Variants in CBLB observed in about 807,000 individuals in gnomAD.
CBLB encodes the protein Cbl proto-oncogene B.
Under a neutral mutation model 104.9 loss-of-function variants are expected in CBLB, and 31 were observed. The ratio of observed to expected loss-of-function variants is 0.30; its 90% CI spans 0.22 to 0.40. CBLB has a LOEUF of 0.40. CBLB is among the 10% of genes least tolerant of loss of function. The pLI is 1.00. For synonymous variants in CBLB, 440 were observed against 422.6 expected, an observed-to-expected ratio of 1.04 and a Z score of -0.51; for missense variants, 1,062 against 1,214.6, an observed-to-expected ratio of 0.87 and a Z score of 1.87.
chr3:105,837,241 C>A (rs2088680115), intron 3 of CBLB, among the ~76,000 whole-genome samples: 1 of 152,166 alleles, frequency 6.6e-6, no homozygotes, highest in Admixed American at 6.5e-5. Context: ...AATATAACAA[C>A]CATCTGCTGC....
intron 3 of CBLB, among the ~76,000 whole-genome samples, chr3:105,784,321 G>T (rs1385238139): frequency 2.0e-5 from 3 of 152,114 alleles, no homozygotes; most frequent in African/African-American, 7.2e-5. Context: ...GGAAAATCAT[G>T]ATTGCTATGA....
intron 10 of CBLB, among the ~76,000 whole-genome samples, chr3:105,708,350 T>C (rs2152801086): frequency 6.6e-6 from 1 of 152,224 alleles, no homozygotes; most frequent in African/African-American, 2.4e-5. Context: ...TAATCACTAC[T>C]ACTTCCATTG....
chr3:105,784,640 T>C (rs1185986252), intron 3 of CBLB, among the ~76,000 whole-genome samples: 1 of 152,198 alleles, frequency 6.6e-6, no homozygotes, highest in Non-Finnish European at 1.5e-5. Context: ...ATCCTCCACC[T>C]TAATTTTAAA....
At chr3:105,718,086 T>C (rs941397695) in intron 10 of CBLB, among the ~76,000 whole-genome samples, 2 of 152,166 alleles carry the variant, frequency 1.3e-5, no homozygotes, top group Non-Finnish European at 2.9e-5. Flanking sequence ...GTTAACTTTG[T>C]TTTGAGACTC....
At chr3:105,776,346 A>G (rs751990977) in intron 4 of CBLB, 50 bp downstream of exon 4, 1 of 1,526,612 alleles carries the variant, frequency 6.6e-7, no homozygotes, top group Non-Finnish European at 9.1e-7. Flanking sequence ...GGGAGGATAC[A>G]GTAACCCTTG....
chr3:105,666,635 G>A (rs1448881819), intron 18 of CBLB, among the ~76,000 whole-genome samples: 1 of 151,882 alleles, frequency 6.6e-6, no homozygotes, highest in Non-Finnish European at 1.5e-5. Flanking sequence ...GCTGGGAGCT[G>A]AGATCACGCC....
chr3:105,697,989 G>A (rs2068599596), intron 12 of CBLB, among the ~76,000 whole-genome samples: 1 of 152,002 alleles, frequency 6.6e-6, no homozygotes, highest in South Asian at 2.1e-4. Context: ...CCAACAAGAT[G>A]TTTATTAAGG....
At chr3:105,743,459 CAA>C (rs11373751) in intron 6 of CBLB, among the ~76,000 whole-genome samples, 1 of 131,284 alleles carries the variant, frequency 7.6e-6, no homozygotes, top group African/African-American at 2.9e-5. Context: ...GACTCTGTCT[CAA>C]AAAAAAAAAA....
intron 9 of CBLB, among the ~76,000 whole-genome samples, chr3:105,723,686 G>A (rs2073200551): frequency 6.6e-6 from 1 of 151,986 alleles, no homozygotes; most frequent in Non-Finnish European, 1.5e-5. Context: ...AATATTGTTA[G>A]TACCATCTCA....
intron 6 of CBLB, among the ~76,000 whole-genome samples, 178 bp downstream of exon 6, chr3:105,745,739 T>C (rs552805921): frequency 9.9e-5 from 15 of 152,268 alleles, no homozygotes; most frequent in African/African-American, 3.4e-4. Context: ...AGTTTCAGAG[T>C]AAGCACAATG....
intron 11 of CBLB, 84 bp from the exon 12 acceptor site, chr3:105,702,543 A>AT (rs2069380898): frequency 7.4e-7 from 1 of 1,356,234 alleles, no homozygotes; most frequent in Non-Finnish European, 9.9e-7. Flanking sequence ...AAACTAGTGT[A>AT]TTATTGCTTT....
rs551452200 is a variant in CBLB at position 105,666,129 on chromosome 3, A to G, written c.2689+4104T>C. ...ACGAATTTTAATTAGACAAAATAAT[A>G]TTGTATATATTATCTGAAACATACT... is the stretch of plus-strand genomic sequence containing the variant. On this transcript the variant is annotated intron_variant, in intron 18 of 18. Coordinates refer to ENST00000394030, the MANE Select transcript of CBLB (RefSeq NM_170662.5). Among the ~76,000 whole-genome samples the G allele has an allele frequency of 5.9e-5, 9 of 152,306 alleles. No individual in the cohort carries two copies. In the East Asian group the frequency reaches 1.7e-3, roughly 29 times the overall value.
chr3:105,845,307 A>T (rs1045157705), intron 3 of CBLB, among the ~76,000 whole-genome samples: 7 of 151,932 alleles, frequency 4.6e-5, no homozygotes, highest in African/African-American at 1.7e-4. Context: ...GAAGAAATTA[A>T]AATACTTGCA....
intron 3 of CBLB, among the ~76,000 whole-genome samples, chr3:105,788,940 C>T (rs887620691): frequency 1.3e-5 from 2 of 152,098 alleles, no homozygotes; most frequent in Non-Finnish European, 2.9e-5. Flanking sequence ...GTAGAAAGAC[C>T]CAAGTATGTT....
intron 2 of CBLB, among the ~76,000 whole-genome samples, chr3:105,862,375 C>T (rs1415133235): frequency 6.6e-6 from 1 of 152,164 alleles, no homozygotes; most frequent in African/African-American, 2.4e-5. Flanking sequence ...GCATCACTGC[C>T]TTCGGAGTCA....
At chr3:105,803,252 C>T (rs1026843607) in intron 3 of CBLB, among the ~76,000 whole-genome samples, 4 of 152,102 alleles carry the variant, frequency 2.6e-5, no homozygotes, top group African/African-American at 4.8e-5. Flanking sequence ...TATGGAACTT[C>T]TACTTATTTC....
chr3:105,735,385 T>C (rs1013240174), intron 8 of CBLB, among the ~76,000 whole-genome samples: 2 of 152,140 alleles, frequency 1.3e-5, no homozygotes, highest in Admixed American at 1.3e-4. Flanking sequence ...AAATAATAGA[T>C]AAGTATTGAT....
chr3:105,702,905 T>C (rs1235141619), intron 11 of CBLB, among the ~76,000 whole-genome samples: 1 of 152,166 alleles, frequency 6.6e-6, no homozygotes, highest in Non-Finnish European at 1.5e-5. Flanking sequence ...TTAAAAGCTT[T>C]TTCTTTATTT....
chr3:105,716,061 A>T (rs990093233), intron 10 of CBLB, among the ~76,000 whole-genome samples: 2 of 152,222 alleles, frequency 1.3e-5, no homozygotes, highest in Admixed American at 6.5e-5. Context: ...TCAGTTAATT[A>T]AAAAATAAAT....
Sources: allele counts gnomAD v4.1 joint callset (sites outside exome capture counted in the v4.1 genomes callset), GRCh38; gene constraint gnomAD v4.1.1; transcripts MANE v1.5; gene names NCBI Gene and HGNC (gene_info 2026-07-23, HGNC 2026-07-21).